Variants in PDE1C observed in about 807,000 individuals in gnomAD.
PDE1C encodes the protein phosphodiesterase 1C.
Under a neutral mutation model 93.1 loss-of-function variants are expected in PDE1C, and 62 were observed. The ratio of observed to expected loss-of-function variants is 0.67; its 90% CI spans 0.54 to 0.82. The LOEUF is 0.82. PDE1C is among the 40% of genes least tolerant of loss of function. PDE1C has a pLI of 0.00. For synonymous variants in PDE1C, 325 were observed against 310.1 expected (o/e 1.05, Z -0.50); for missense variants, 742 against 884.6 (o/e 0.84, Z 2.04).
the PDE1C span, among the ~76,000 whole-genome samples, chr7:31,672,893 C>T: frequency 2.7e-4 from 41 of 152,228 alleles, no homozygotes; most frequent in African/African-American, 9.9e-4. Context: ...GAGCATTTTC[C>T]CCTTGCTGTT....
the PDE1C span, among the ~76,000 whole-genome samples, chr7:31,677,998 T>A: frequency 6.6e-6 from 1 of 152,036 alleles, no homozygotes; most frequent in African/African-American, 2.4e-5. Flanking sequence ...TAAAAACTAG[T>A]TTGAAGATAC....
At chr7:32,009,602 T>C (rs1172628499) in intron 2 of PDE1C, among the ~76,000 whole-genome samples, 2 of 152,226 alleles carry the variant, frequency 1.3e-5, no homozygotes, top group Non-Finnish European at 2.9e-5. Context: ...AAAGACTGAA[T>C]GCTTTCCTTA....
At chr7:32,267,948 TA>T (rs1810723484) in intron 1 of PDE1C, among the ~76,000 whole-genome samples, 1 of 152,170 alleles carries the variant, frequency 6.6e-6, no homozygotes. Flanking sequence ...CAGAGAAGCT[TA>T]ATGAGGACGA....
At chr7:31,882,128 C>A (rs1386986023) in intron 2 of PDE1C, among the ~76,000 whole-genome samples, 1 of 152,004 alleles carries the variant, frequency 6.6e-6, no homozygotes, top group Non-Finnish European at 1.5e-5. Flanking sequence ...AGAGGGTCAA[C>A]CATAAAATAA....
chr7:32,174,044 G>GC (rs1009770729), intron 2 of PDE1C, among the ~76,000 whole-genome samples: 1 of 151,932 alleles, frequency 6.6e-6, no homozygotes, highest in Non-Finnish European at 1.5e-5. Flanking sequence ...AGCTTTTTTT[G>GC]TTTTTTAAGG....
At chr7:32,006,832 A>G (rs180776192) in intron 2 of PDE1C, among the ~76,000 whole-genome samples, 88 of 152,352 alleles carry the variant, frequency 5.8e-4, no homozygotes, top group Non-Finnish European at 7.8e-4. Flanking sequence ...GCCATGATGC[A>G]AAGTGCTCCA....
intron 16 of PDE1C, among the ~76,000 whole-genome samples, chr7:31,801,477 C>T (rs1165465929): frequency 6.6e-6 from 1 of 151,306 alleles, no homozygotes; most frequent in African/African-American, 2.4e-5. Context: ...GATGTGTATT[C>T]TTCTATGGTT....
chr7:31,881,288 T>G (rs1453168263), intron 2 of PDE1C, among the ~76,000 whole-genome samples: 1 of 152,112 alleles, frequency 6.6e-6, no homozygotes, highest in East Asian at 1.9e-4. Flanking sequence ...GACCCAGGCA[T>G]GTCCCAAGAC....
chr7:31,868,263 G>A (rs1425209637), intron 6 of PDE1C, among the ~76,000 whole-genome samples: 11 of 152,038 alleles, frequency 7.2e-5, no homozygotes, highest in Admixed American at 7.2e-4. Context: ...GAAGCTCAGT[G>A]ATATACAAGA....
the PDE1C span, among the ~76,000 whole-genome samples, chr7:31,628,764 A>T: frequency 2.0e-5 from 3 of 152,070 alleles, no homozygotes; most frequent in Non-Finnish European, 4.4e-5. Context: ...CCTGAGCGTG[A>T]TTCTTGATGG....
At chr7:32,137,137 C>A (rs1335430669) in intron 3 of PDE1C, among the ~76,000 whole-genome samples, 2 of 152,164 alleles carry the variant, frequency 1.3e-5, no homozygotes, top group African/African-American at 4.8e-5. Flanking sequence ...TAAAAGTCTG[C>A]TTCAATAAAG....
chr7:31,742,198 A>C, the PDE1C span, among the ~76,000 whole-genome samples: 1 of 152,204 alleles, frequency 6.6e-6, no homozygotes, highest in African/African-American at 2.4e-5. Context: ...GAAAACAATA[A>C]AGAACAAACG....
At chr7:31,909,174 G>T (rs1049712317) in intron 2 of PDE1C, among the ~76,000 whole-genome samples, 1 of 152,092 alleles carries the variant, frequency 6.6e-6, no homozygotes, top group Non-Finnish European at 1.5e-5. Flanking sequence ...CGTGGTAAAG[G>T]GTTGTGGTTA....
the PDE1C span, among the ~76,000 whole-genome samples, chr7:31,671,226 A>G: frequency 6.6e-6 from 1 of 152,208 alleles, no homozygotes; most frequent in Non-Finnish European, 1.5e-5. Context: ...AGCACTGACT[A>G]TAACACTCCT....
the PDE1C span, among the ~76,000 whole-genome samples, chr7:31,679,639 A>G: frequency 2.0e-5 from 3 of 152,190 alleles, no homozygotes; most frequent in Admixed American, 1.3e-4. Context: ...CATTGCACAT[A>G]CCTTAAAATT....
the PDE1C span, among the ~76,000 whole-genome samples, chr7:31,639,229 T>A: frequency 6.6e-6 from 1 of 152,226 alleles, no homozygotes; most frequent in Non-Finnish European, 1.5e-5. Flanking sequence ...TACCTGAGGC[T>A]ACTTGGACTT....
rs555288714 is a variant in PDE1C, at chr7:32,336,090, C to T, written c.310+91732G>A. On this transcript the variant is annotated intron_variant, in intron 1 of 1. Coordinates refer to the PDE1C transcript ENST00000672256. Reference sequence around the variant, plus strand: ...AATTCATCAGGGGGCACAGTTCAGCCGATAACAAGTTCCTATCAAGGAAAT... The same window carrying T: ...AATTCATCAGGGGGCACAGTTCAGCTGATAACAAGTTCCTATCAAGGAAAT... Among the ~76,000 whole-genome samples, 18 of 152,140 alleles carry T rather than the reference C, an allele frequency of 1.2e-4. No homozygotes were observed. In the South Asian group the frequency reaches 3.3e-3, roughly 28 times the overall value.
At chr7:32,156,504 G>GC (rs1336731096) in intron 3 of PDE1C, among the ~76,000 whole-genome samples, 1 of 152,148 alleles carries the variant, frequency 6.6e-6, no homozygotes, top group Non-Finnish European at 1.5e-5. Flanking sequence ...ACCCTTTAGG[G>GC]TTGATGTCTC....
At chr7:31,777,167 T>C (rs1485215279) in intron 16 of PDE1C, among the ~76,000 whole-genome samples, 2 of 151,034 alleles carry the variant, frequency 1.3e-5, no homozygotes, top group African/African-American at 2.4e-5. Flanking sequence ...AAACAATTAG[T>C]ATTAAAAAAA....
Sources: allele counts gnomAD v4.1 joint callset (sites outside exome capture counted in the v4.1 genomes callset), GRCh38; gene constraint gnomAD v4.1.1; transcripts MANE v1.5; gene names NCBI Gene and HGNC (gene_info 2026-07-23, HGNC 2026-07-21).